Variants in ZNF100 observed in about 807,000 individuals in gnomAD.
ZNF100 encodes the protein zinc finger protein 100.
In ZNF100, 12 loss-of-function variants were observed where a neutral mutation model predicts 15.8. The ratio of observed to expected loss-of-function variants is 0.76; its 90% CI spans 0.49 to 1.23. The LOEUF is 1.23. Ranked by LOEUF, ZNF100 falls within the 50% of genes most tolerant of loss-of-function variation. The pLI, the probability that ZNF100 is intolerant of heterozygous loss-of-function variation, is 0.00. For synonymous variants in ZNF100, 226 were observed against 214.8 expected (o/e 1.05, Z -0.45); for missense variants, 670 against 635.6 (o/e 1.05, Z -0.58).
chr19:21,750,034 T>G (rs574031804), intron 2 of ZNF100, among the ~76,000 whole-genome samples: 1 of 152,284 alleles, frequency 6.6e-6, no homozygotes, highest in African/African-American at 2.4e-5. Flanking sequence ...TTCTAAATAA[T>G]ATGTCTAACT....
At chr19:21,740,847 T>G (rs137892663) in intron 4 of ZNF100, among the ~76,000 whole-genome samples, 2 of 152,198 alleles carry the variant, frequency 1.3e-5, no homozygotes, top group African/African-American at 4.8e-5. Flanking sequence ...GTCATTATTT[T>G]AAAATGTTAC....
intron 4 of ZNF100, among the ~76,000 whole-genome samples, chr19:21,741,174 T>A (rs2036099916): frequency 6.6e-6 from 1 of 152,188 alleles, no homozygotes; most frequent in African/African-American, 2.4e-5. Context: ...CACTGTATGA[T>A]TCCACTTATA....
Position 21,739,829 on chromosome 19 carries a change from TAAAATA to T in ZNF100, c.322+4182_322+4187del, listed in dbSNP as rs1054455942. Reference sequence around the variant, plus strand: ...TAATAAATAAACTGTCTCTAATAAATAAAATAAAATAAAATTAAATTAAAACACATT... The same window carrying T: ...TAATAAATAAACTGTCTCTAATAAATAAATAAAATTAAATTAAAACACATT... On this transcript the variant is annotated intron_variant, in intron 4 of 4. Coordinates refer to ENST00000358296, the MANE Select transcript of ZNF100 (RefSeq NM_173531.4). Among the ~76,000 whole-genome samples, 859 of 152,034 alleles carry T rather than the reference TAAAATA, an allele frequency of 5.7e-3. 11 individuals are homozygous for T. The highest frequency in any genetic ancestry group is 0.02 in the African/African-American group (829 of 41,420).
chr19:21,744,515 G>T (rs1367768322), intron 3 of ZNF100, among the ~76,000 whole-genome samples: 2 of 152,122 alleles, frequency 1.3e-5, no homozygotes, highest in Admixed American at 1.3e-4. Context: ...TGGGACTACA[G>T]GCGCCTGCCA....
At chr19:21,730,586 T>A (rs1165898597) in intron 4 of ZNF100, among the ~76,000 whole-genome samples, 1 of 151,966 alleles carries the variant, frequency 6.6e-6, no homozygotes, top group African/African-American at 2.4e-5. Flanking sequence ...CTTTCTGTAA[T>A]AAAAATAAAT....
rs1386259225 is a variant in ZNF100 at position 21,723,630 on chromosome 19, G to T, written c.*3053C>A. 1 of 152,130 alleles carries T rather than the reference G, an allele frequency of 6.6e-6. No homozygotes were observed. The highest frequency in any genetic ancestry group is 1.5e-5 in the Non-Finnish European group (1 of 68,028). The allele number at this position is 152,130 out of a possible 1,614,324, so 9.4% of individuals were successfully genotyped here. A position where few individuals can be genotyped will look rare whatever the true frequency, so the allele number is the denominator to read the frequency against. ...GGAAACTATGTCCTCTCCACATGAA[G>T]AATCAATTTTATTTCTTCACCACTG... is the stretch of plus-strand genomic sequence containing the variant. On this transcript the variant is annotated 3_prime_UTR_variant, in exon 5 of 5. Transcript: ENST00000358296.
chr19:21,754,523 A>G (rs2036361453), intron 2 of ZNF100, among the ~76,000 whole-genome samples: 1 of 152,210 alleles, frequency 6.6e-6, no homozygotes, highest in Admixed American at 6.5e-5. Flanking sequence ...CAAACCTGAC[A>G]AAAGCAATGG....
intron 3 of ZNF100, among the ~76,000 whole-genome samples, 198 bp from the exon 4 acceptor site, chr19:21,744,313 C>G (rs1446321412): frequency 6.6e-6 from 1 of 152,052 alleles, no homozygotes; most frequent in Admixed American, 6.6e-5. Flanking sequence ...ACTCATGAAT[C>G]AAAAAATTGG....
intron 2 of ZNF100, chr19:21,752,648 AT>A (rs1195463812): frequency 6.6e-6 from 1 of 152,546 alleles, no homozygotes; most frequent in African/African-American, 2.4e-5. Flanking sequence ...TTTTCTGATA[AT>A]TTTTATCTTA....
chr19:21,763,249 T>C (rs564062745), intron 2 of ZNF100, among the ~76,000 whole-genome samples: 1 of 152,110 alleles, frequency 6.6e-6, no homozygotes, highest in South Asian at 2.1e-4. Context: ...GGGGTTTGGA[T>C]TGGGACCCTT....
Position 21,727,451 on chromosome 19 carries a change from T to A in ZNF100, c.861A>T (p.Lys287Asn). The A allele has an allele frequency of 6.2e-7, 1 of 1,613,226 alleles. No homozygotes were observed. The highest frequency in any genetic ancestry group is 8.5e-7 in the Non-Finnish European group (1 of 1,179,726). Residue 287 changes from lysine to asparagine, a missense_variant, in exon 5 of 5, where the codon AAA (lysine) becomes AAT (asparagine). Physicochemically the swap from Lys to Asn is moderately conservative, Grantham distance 94. Transcript: ENST00000358296. Reference protein sequence around the residue: ...TTHKIIHTGEKPYRCEECGKA... With the variant: ...TTHKIIHTGENPYRCEECGKA... ...TCCCACATTCTTCACATCTGTATGG[T>A]TTCTCTCCAGTATGAATTATCTTAT... is the stretch of plus-strand genomic sequence containing the variant.
intron 4 of ZNF100, among the ~76,000 whole-genome samples, chr19:21,731,517 C>T (rs1179960346): frequency 6.6e-6 from 1 of 152,096 alleles, no homozygotes; most frequent in South Asian, 2.1e-4. Context: ...CCATGTTGGC[C>T]AGGATGGTCT....
At chr19:21,743,904 C>T (rs895428033) in intron 4 of ZNF100, 113 bp downstream of exon 4, 340 of 1,122,800 alleles carry the variant, frequency 3.0e-4, no homozygotes, top group Non-Finnish European at 3.9e-4. Context: ...TCAGGCATCC[C>T]AGAAACTATT....
intron 2 of ZNF100, among the ~76,000 whole-genome samples, chr19:21,761,506 C>T (rs2036483112): frequency 6.6e-6 from 1 of 152,280 alleles, no homozygotes; most frequent in East Asian, 1.9e-4. Flanking sequence ...GTCTACACAG[C>T]CCCTGTACAG....
intron 1 of ZNF100, 102 bp from the exon 2 acceptor site, chr19:21,765,888 G>A: frequency 8.2e-7 from 1 of 1,217,344 alleles, no homozygotes; most frequent in Non-Finnish European, 1.2e-6. Flanking sequence ...CTGAAACCCA[G>A]GACCAGGAAA....
intron 4 of ZNF100, chr19:21,743,091 G>GGTGGCAT (rs1331541454): frequency 2.0e-5 from 3 of 152,162 alleles, no homozygotes; most frequent in Admixed American, 6.5e-5. Context: ...AGCTTGGCGT[G>GGTGGCAT]GTGGCATGTG....
intron 2 of ZNF100, among the ~76,000 whole-genome samples, chr19:21,761,623 C>T (rs2036485150): frequency 6.6e-6 from 1 of 151,964 alleles, no homozygotes; most frequent in Admixed American, 6.6e-5. Context: ...AATAATTATT[C>T]TTGCTACACT....
At chr19:21,745,150 A>G in intron 2 of ZNF100, 83 bp from the exon 3 acceptor site, 1 of 1,533,246 alleles carries the variant, frequency 6.5e-7, no homozygotes, top group East Asian at 2.3e-5. Context: ...AAATGAAATG[A>G]CAGAGCAAAG....
chr19:21,751,708 T>C (rs1356447736), intron 2 of ZNF100: 1 of 1,204,030 alleles, frequency 8.3e-7, no homozygotes, highest in East Asian at 2.3e-5. Flanking sequence ...TTCCTGCTAG[T>C]GTTTATGCCA....
Sources: gnomAD v4.1 joint callset for allele counts (sites outside exome capture counted in the v4.1 genomes callset) on GRCh38, gnomAD v4.1.1 for gene constraint, MANE v1.5 for transcripts, NCBI Gene and HGNC (gene_info 2026-07-23, HGNC 2026-07-21) for gene names.